Variants in SATB1 observed in about 807,000 individuals in gnomAD.
SATB1 encodes the protein DNA-binding protein SATB1.
A neutral mutation model predicts 86.9 loss-of-function variants in SATB1; 11 were observed. That is an observed-to-expected ratio of 0.13 (90% confidence interval 0.08 to 0.21). The LOEUF (loss-of-function observed/expected upper bound fraction) is 0.21. Ranked by LOEUF, SATB1 falls within the 10% of genes least tolerant of loss-of-function variation. SATB1 has a pLI of 1.00. For synonymous variants in SATB1, 357 were observed against 357.2 expected (o/e 1.00, Z 0.01); for missense variants, 551 against 937.6 (o/e 0.59, Z 5.39).
intron 9 of SATB1, chr3:18,353,065 G>A (rs1575077516): frequency 6.6e-6 from 1 of 152,204 alleles, no homozygotes; most frequent in Non-Finnish European, 1.5e-5. Flanking sequence ...GGAAGAGTAA[G>A]GGTGTCTGAT....
intron 2 of SATB1, among the ~76,000 whole-genome samples, chr3:18,433,738 A>G (rs1334449363): frequency 6.6e-6 from 1 of 152,136 alleles, no homozygotes; most frequent in East Asian, 1.9e-4. Flanking sequence ...ACAGCTTCAC[A>G]GTATAGCTAT....
At chr3:18,381,701 T>G (rs1696073618) in intron 8 of SATB1, among the ~76,000 whole-genome samples, 1 of 152,166 alleles carries the variant, frequency 6.6e-6, no homozygotes, top group East Asian at 1.9e-4. Context: ...ATGTCTAATT[T>G]TTTAATAGCT....
chr3:18,408,185 G>A (rs1282990286), intron 5 of SATB1, among the ~76,000 whole-genome samples: 1 of 151,926 alleles, frequency 6.6e-6, no homozygotes, highest in Non-Finnish European at 1.5e-5. Flanking sequence ...AGAGAAAGAT[G>A]ATGACTAAAG....
At chr3:18,363,358 G>A (rs1051504430) in intron 9 of SATB1, among the ~76,000 whole-genome samples, 16 of 152,218 alleles carry the variant, frequency 1.1e-4, no homozygotes, top group African/African-American at 3.9e-4. Context: ...CAAATCTTGT[G>A]ATTTACAAGT....
At chr3:18,412,720 A>G (rs1697919513) in intron 5 of SATB1, among the ~76,000 whole-genome samples, 1 of 152,074 alleles carries the variant, frequency 6.6e-6, no homozygotes, top group Non-Finnish European at 1.5e-5. Flanking sequence ...TAGGAAAAAG[A>G]GTAGTTTTGT....
In SATB1 at chr3:18,417,648, T is replaced by C. The variant is rs1419962075; in HGVS notation, c.212-570A>G. On this transcript the variant is annotated intron_variant, in intron 2 of 10. Coordinates refer to ENST00000338745, the MANE Select transcript of SATB1 (RefSeq NM_002971.6). ...TTTTTAGATATTAGCTCTAACTGGT[T>C]CCACAAAAAGTACTTAACCAAACTG... is the stretch of plus-strand genomic sequence containing the variant. The C allele has an allele frequency of 7.2e-6, 5 of 698,564 alleles. No homozygotes were observed. The Admixed American group carries it at 1.0e-4, about 14-fold the overall frequency. The allele number at this position is 698,564 out of a possible 1,614,324, so 43.3% of individuals were successfully genotyped here. A position where few individuals can be genotyped will look rare whatever the true frequency, so the allele number is the denominator to read the frequency against.
At chr3:18,362,047 C>T (rs1694928322) in intron 9 of SATB1, among the ~76,000 whole-genome samples, 1 of 152,050 alleles carries the variant, frequency 6.6e-6, no homozygotes, top group South Asian at 2.1e-4. Context: ...TAGCAAGTGG[C>T]TTTAACTAAA....
chr3:18,430,714 G>T (rs1246106718), intron 2 of SATB1, among the ~76,000 whole-genome samples: 1 of 152,134 alleles, frequency 6.6e-6, no homozygotes, highest in Non-Finnish European at 1.5e-5. Flanking sequence ...CTAAATATAG[G>T]GTTTAAGGAT....
At chr3:18,445,526 G>C (rs1699372763) in exon 1 of SATB1, 3 of 985,500 alleles carry the variant, frequency 3.0e-6, no homozygotes, top group African/African-American at 1.7e-5. Flanking sequence ...ACCTCTCCGG[G>C]GGCCCCCAAC....
chr3:18,356,583 A>G (rs1694653459), intron 9 of SATB1, among the ~76,000 whole-genome samples: 1 of 151,890 alleles, frequency 6.6e-6, no homozygotes, highest in African/African-American at 2.4e-5. Context: ...TCTAAACTCA[A>G]TATTCTAATG....
At chr3:18,392,247 T>C (rs975580400) in intron 7 of SATB1, among the ~76,000 whole-genome samples, 33 of 152,190 alleles carry the variant, frequency 2.2e-4, no homozygotes. Flanking sequence ...ATTACCTTTT[T>C]CAAAGAGATT....
chr3:18,357,717 T>C (rs980867542), intron 9 of SATB1, among the ~76,000 whole-genome samples: 2 of 151,852 alleles, frequency 1.3e-5, no homozygotes, highest in Non-Finnish European at 2.9e-5. Flanking sequence ...AATAATGTTT[T>C]AAACCACCCC....
rs1015496630 is a variant in SATB1 at position 18,402,105 on chromosome 3, T to C, written c.640-4815A>G. On this transcript the variant is annotated intron_variant, in intron 5 of 10. Transcript: ENST00000338745. ...GAATCGGTTAAGGTTACATAATGTT[T>C]CAAAAAATTTTATTCTTTTAAACCC... Among the ~76,000 whole-genome samples the C allele has an allele frequency of 1.1e-4, 17 of 152,278 alleles. No individual in the cohort carries two copies. The South Asian group carries it at 2.5e-3, about 22-fold the overall frequency.
intron 1 of SATB1, among the ~76,000 whole-genome samples, chr3:18,438,333 T>G (rs903131657): frequency 3.9e-5 from 6 of 152,186 alleles, no homozygotes; most frequent in African/African-American, 1.4e-4. Context: ...TCTTTAAATA[T>G]TTCAAGAAGG....
chr3:18,411,629 T>C (rs2125150487), intron 5 of SATB1, among the ~76,000 whole-genome samples: 1 of 152,092 alleles, frequency 6.6e-6, no homozygotes, highest in Admixed American at 6.6e-5. Context: ...TGTCCCCAAA[T>C]CAGTGTTTAT....
At chr3:18,398,034 A>G (rs1697054521) in intron 5 of SATB1, among the ~76,000 whole-genome samples, 2 of 152,190 alleles carry the variant, frequency 1.3e-5, no homozygotes, top group Non-Finnish European at 2.9e-5. Context: ...CAAACCGATC[A>G]TAAAAATTTT....
chr3:18,392,972 CA>C (rs35399493), intron 7 of SATB1, among the ~76,000 whole-genome samples: 33,745 of 114,668 alleles, frequency 0.29, 3,993 homozygotes, highest in Non-Finnish European at 0.31. Flanking sequence ...GACGAACGTA[CA>C]AAAAAAAAAA....
intron 9 of SATB1, among the ~76,000 whole-genome samples, chr3:18,354,719 A>C (rs1439042941): frequency 2.6e-5 from 4 of 152,180 alleles, no homozygotes; most frequent in Non-Finnish European, 5.9e-5. Context: ...TATGTGAAAA[A>C]AACATGTGGA....
chr3:18,399,213 G>T (rs1225289255), intron 5 of SATB1, among the ~76,000 whole-genome samples: 1 of 152,134 alleles, frequency 6.6e-6, no homozygotes, highest in Non-Finnish European at 1.5e-5. Flanking sequence ...GTCTACTCCA[G>T]TTTGCCAACA....
Sources: gnomAD v4.1 joint callset for allele counts (sites outside exome capture counted in the v4.1 genomes callset) on GRCh38, gnomAD v4.1.1 for gene constraint, MANE v1.5 for transcripts, NCBI Gene and HGNC (gene_info 2026-07-23, HGNC 2026-07-21) for gene names.